Variants in AGO2 observed in about 807,000 individuals in gnomAD.
AGO2 encodes the protein argonaute RISC catalytic component 2.
AGO2 carries 5 observed loss-of-function variants against 102.3 expected under a neutral mutation model. The observed-to-expected ratio is 0.05, with a 90% CI of 0.03 to 0.10. The LOEUF is 0.10. Ranked by LOEUF, AGO2 falls within the 10% of genes least tolerant of loss-of-function variation. The pLI is 1.00. For missense variants in AGO2, 541 were observed against 1,183.7 expected, an observed-to-expected ratio of 0.46 and a Z score of 7.97; for synonymous variants, 449 against 473.1, an observed-to-expected ratio of 0.95 and a Z score of 0.66.
chr8:140,606,289 A>C (rs1216466620), intron 1 of AGO2, among the ~76,000 whole-genome samples: 1 of 152,216 alleles, frequency 6.6e-6, no homozygotes, highest in African/African-American at 2.4e-5. Flanking sequence ...TGCAGGCAGG[A>C]GCATGGAGGC....
chr8:140,552,725 T>TGCGC (rs762896333), intron 10 of AGO2, among the ~76,000 whole-genome samples: 3 of 121,740 alleles, frequency 2.5e-5, no homozygotes, highest in South Asian at 2.9e-4. Flanking sequence ...CACACGCACA[T>TGCGC]GCACGCGCGC....
intron 1 of AGO2, among the ~76,000 whole-genome samples, chr8:140,597,460 T>TGGGCGGGGGGGGGG: frequency 1.2e-5 from 1 of 80,336 alleles, no homozygotes; most frequent in African/African-American, 4.5e-5. Flanking sequence ...CGATGGGGGC[T>TGGGCGGGGGGGGGG]GGGTGGCCCC....
In AGO2 at chr8:140,614,093, C is replaced by T. The variant is rs569702536; in HGVS notation, c.22+21392G>A. ...ATTCCAGCACTTTGGGAGGCCAAGGCGGGCGGATCATCTCTCAGGTCAGGA... is the reference window on the plus strand; with the variant it reads ...ATTCCAGCACTTTGGGAGGCCAAGGTGGGCGGATCATCTCTCAGGTCAGGA... On this transcript the variant is annotated intron_variant, in intron 1 of 18. Transcript: ENST00000220592. Among the ~76,000 whole-genome samples the T allele has an allele frequency of 3.4e-5, 5 of 148,180 alleles. No individual in the cohort carries two copies. In the South Asian group the frequency reaches 1.1e-3, roughly 32 times the overall value.
At chr8:140,543,639 G>C (rs76871062) in intron 14 of AGO2, among the ~76,000 whole-genome samples, 140 of 152,254 alleles carry the variant, frequency 9.2e-4, no homozygotes, top group African/African-American at 2.9e-3. Context: ...AGAGATGGGC[G>C]TTCGCCATGT....
intron 5 of AGO2, among the ~76,000 whole-genome samples, chr8:140,560,011 C>A (rs1275693396): frequency 6.6e-6 from 1 of 152,196 alleles, no homozygotes; most frequent in Admixed American, 6.5e-5. Flanking sequence ...GAGAGGGCAG[C>A]GGATGTCCTG....
At chr8:140,579,713 T>C (rs1450583815) in intron 2 of AGO2, among the ~76,000 whole-genome samples, 2 of 152,104 alleles carry the variant, frequency 1.3e-5, no homozygotes, top group African/African-American at 4.8e-5. Context: ...CCTTGAGATA[T>C]AGAGACTGAG....
intron 1 of AGO2, among the ~76,000 whole-genome samples, chr8:140,599,242 C>T (rs1361409062): frequency 6.6e-6 from 1 of 152,198 alleles, no homozygotes; most frequent in Non-Finnish European, 1.5e-5. Flanking sequence ...CGCTGAGCGT[C>T]CGTTATGTGG....
At chr8:140,580,161 C>T (rs2073533439) in intron 2 of AGO2, among the ~76,000 whole-genome samples, 1 of 152,252 alleles carries the variant, frequency 6.6e-6, no homozygotes, top group Non-Finnish European at 1.5e-5. Context: ...ACCTTGGTGC[C>T]CACAGCTGTA....
intron 1 of AGO2, among the ~76,000 whole-genome samples, chr8:140,600,536 C>T (rs1203415877): frequency 6.6e-5 from 10 of 152,128 alleles, no homozygotes; most frequent in African/African-American, 2.2e-4. Flanking sequence ...CAAAATTAGC[C>T]GGGCGTGGTG....
chr8:140,586,418 G>A (rs188165134), intron 1 of AGO2, among the ~76,000 whole-genome samples: 287 of 152,290 alleles, frequency 1.9e-3, no homozygotes, highest in African/African-American at 6.7e-3. Context: ...GCTTGAACGC[G>A]GAGGTTGCAG....
At chr8:140,612,035 A>C (rs1047229154) in intron 1 of AGO2, among the ~76,000 whole-genome samples, 2 of 151,574 alleles carry the variant, frequency 1.3e-5, no homozygotes, top group African/African-American at 4.9e-5. Flanking sequence ...CATCCTGGCT[A>C]ACACGGTGAA....
chr8:140,533,203 C>G (rs575349367), intron 17 of AGO2, among the ~76,000 whole-genome samples: 16 of 149,924 alleles, frequency 1.1e-4, no homozygotes, highest in Admixed American at 2.7e-4. Context: ...TCCTGGCTAA[C>G]ACGGTGAAAC....
intron 1 of AGO2, among the ~76,000 whole-genome samples, chr8:140,624,023 C>T (rs1182035455): frequency 1.3e-5 from 2 of 152,128 alleles, no homozygotes; most frequent in African/African-American, 4.8e-5. Flanking sequence ...GGAGAGCCCA[C>T]CATAGGGCGA....
rs983493177 is a variant in AGO2 at position 140,540,909 on chromosome 8, C to A, written c.2034+255G>T. On this transcript the variant is annotated intron_variant, in intron 15 of 18. Transcript: ENST00000220592. The surrounding 1 kb of genome is among the most constrained non-coding windows in gnomAD (Gnocchi z 5.0). ...TCAGCGGAACTCAAGCGTCTCTCCC[C>A]CATCTCTTGGTCCCCAGGCCCATAC... 3.3e-5 allele frequency among the ~76,000 whole-genome samples: 5 copies of A among 152,200 alleles called. No homozygotes were observed. The highest frequency in any genetic ancestry group is 1.2e-4 in the African/African-American group (5 of 41,458).
At position 140,525,342 on chromosome 8, in the gene AGO2, A is replaced by T. The variant is rs1473619792; in HGVS notation, c.*6702T>A. The stretch of plus-strand genomic sequence containing the variant: ...CGAGCGGCTGTGCAGTGTCCCCTCG[A>T]AACACCCTGGACCAGATTCTGACAG... On this transcript the variant is annotated 3_prime_UTR_variant, in exon 19 of 19. Transcript: ENST00000220592. 1 of 152,198 alleles carries T rather than the reference A, an allele frequency of 6.6e-6. No homozygotes were observed. The highest frequency in any genetic ancestry group is 1.5e-5 in the Non-Finnish European group (1 of 68,066). The allele number at this position is 152,198 out of a possible 1,614,324, so 9.4% of individuals were successfully genotyped here. A position where few individuals can be genotyped will look rare whatever the true frequency, so the allele number is the denominator to read the frequency against.
chr8:140,619,194 C>T (rs528688483), intron 1 of AGO2, among the ~76,000 whole-genome samples: 1 of 152,320 alleles, frequency 6.6e-6, no homozygotes, highest in African/African-American at 2.4e-5. Flanking sequence ...CCGCACCTGG[C>T]AGCCACTGTC....
At position 140,533,164 on chromosome 8, in the gene AGO2, CA is replaced by C. The variant is rs550822729; in HGVS notation, c.2272-550del. Among the ~76,000 whole-genome samples the C allele has an allele frequency of 1.3e-3, 198 of 151,972 alleles. 1 individual carries two copies. The highest frequency in any genetic ancestry group is 4.6e-3 in the African/African-American group (191 of 41,428). On this transcript the variant is annotated intron_variant, in intron 17 of 18. Transcript: ENST00000220592. ...CAGCACTTTGGGAGGCCGAGGCGGG[CA>C]GATCACAAGGTCAGGAGATCGAGAC...
At chr8:140,629,368 C>T (rs746910356) in intron 1 of AGO2, among the ~76,000 whole-genome samples, 26 of 150,636 alleles carry the variant, frequency 1.7e-4, no homozygotes, top group Admixed American at 7.3e-4. Context: ...TGCCCGGGGC[C>T]AGGTGGGAAG....
At chr8:140,574,228 C>A (rs2073430655) in intron 2 of AGO2, among the ~76,000 whole-genome samples, 1 of 149,666 alleles carries the variant, frequency 6.7e-6, no homozygotes, top group Non-Finnish European at 1.5e-5. Context: ...CAAAGAGGTA[C>A]CAGCTTGGCA....
Sources: allele counts gnomAD v4.1 joint callset (sites outside exome capture counted in the v4.1 genomes callset), GRCh38; gene constraint gnomAD v4.1.1; non-coding constraint Gnocchi (gnomAD v3.1); transcripts MANE v1.5; gene names NCBI Gene and HGNC (gene_info 2026-07-23, HGNC 2026-07-21).